AFF2: variants seen among roughly 807,000 people sequenced by gnomAD.
AFF2 encodes AF4/FMR2 family member 2.
AFF2 carries 14 observed loss-of-function variants against 76.9 expected under a neutral mutation model. That is an observed-to-expected ratio of 0.18 (90% CI 0.12 to 0.28). The LOEUF is 0.28. AFF2 is among the 10% of genes least tolerant of loss of function. AFF2 has a pLI of 1.00. For synonymous variants in AFF2, 398 were observed against 366.7 expected, an observed-to-expected ratio of 1.09 and a Z score of -0.98; for missense variants, 868 against 1,001.1, an observed-to-expected ratio of 0.87 and a Z score of 1.79.
intron 7 of AFF2, among the ~76,000 whole-genome samples, chrX:148,881,919 CA>C (rs1352147722): frequency 9.0e-6 from 1 of 110,769 alleles, no homozygotes; most frequent in African/African-American, 3.3e-5. Flanking sequence ...AATTGAGATT[CA>C]AAAGGTCTTA....
intron 3 of AFF2, among the ~76,000 whole-genome samples, chrX:148,787,239 C>T (rs1419492145): frequency 2.7e-5 from 3 of 111,250 alleles, no homozygotes; most frequent in Admixed American, 1.9e-4. Flanking sequence ...GAAATTAATG[C>T]ACTGGTTTGG....
intron 4 of AFF2, among the ~76,000 whole-genome samples, chrX:148,832,610 A>G (rs2124661412): frequency 8.9e-6 from 1 of 111,974 alleles, no homozygotes; most frequent in East Asian, 2.8e-4. Context: ...TTGAATGTGT[A>G]CAACACTATA....
At chrX:148,849,857 G>A (rs1271587371) in intron 7 of AFF2, among the ~76,000 whole-genome samples, 1 of 112,048 alleles carries the variant, frequency 8.9e-6, no homozygotes, top group Non-Finnish European at 1.9e-5. Context: ...TCATTTGGAG[G>A]TGGCTTTACT....
chrX:148,619,849 A>G (rs1251738155), intron 1 of AFF2, among the ~76,000 whole-genome samples: 2 of 112,247 alleles, frequency 1.8e-5, no homozygotes, highest in Admixed American at 1.9e-4. Flanking sequence ...ATGTGATTTT[A>G]TGAGTTCTGT....
At chrX:148,709,744 G>C (rs1338153588) in intron 3 of AFF2, among the ~76,000 whole-genome samples, 1 of 111,817 alleles carries the variant, frequency 8.9e-6, no homozygotes, top group African/African-American at 3.2e-5. Flanking sequence ...AGGAGAACTG[G>C]ATTGAATGCT....
At chrX:148,848,596 C>T (rs954964424) in intron 7 of AFF2, among the ~76,000 whole-genome samples, 3 of 112,164 alleles carry the variant, frequency 2.7e-5, no homozygotes, top group Non-Finnish European at 3.8e-5. Context: ...GATGCAATTT[C>T]GGTAGCAAAT....
chrX:148,844,939 T>C (rs1377254419), intron 7 of AFF2, among the ~76,000 whole-genome samples: 2 of 112,048 alleles, frequency 1.8e-5, no homozygotes, highest in African/African-American at 6.5e-5. Context: ...GACCGAATTA[T>C]ATGAAAACAC....
chrX:148,851,408 G>A (rs1392275368), intron 7 of AFF2, among the ~76,000 whole-genome samples: 1 of 112,385 alleles, frequency 8.9e-6, no homozygotes, highest in East Asian at 2.8e-4. Flanking sequence ...GAGTAGGTGG[G>A]ATGGAGTAGA....
chrX:148,528,570 G>A (rs2052691442), intron 1 of AFF2, among the ~76,000 whole-genome samples: 1 of 111,596 alleles, frequency 9.0e-6, no homozygotes, highest in Non-Finnish European at 1.9e-5. Context: ...TAGGCATGAT[G>A]TTATGGCAAT....
chrX:148,922,354 A>G (rs905740665), intron 9 of AFF2, among the ~76,000 whole-genome samples: 1 of 111,621 alleles, frequency 9.0e-6, no homozygotes. Flanking sequence ...AGTTGGTCCA[A>G]AGTCTGGCAG....
intron 9 of AFF2, among the ~76,000 whole-genome samples, chrX:148,905,990 T>C (rs1335026339): frequency 2.7e-5 from 3 of 112,573 alleles, no homozygotes; most frequent in African/African-American, 9.7e-5. Flanking sequence ...GTGCTTTAAA[T>C]ATATTTGAAA....
chrX:148,784,596 C>G (rs901313606), intron 3 of AFF2, among the ~76,000 whole-genome samples: 37 of 111,640 alleles, frequency 3.3e-4, no homozygotes, highest in African/African-American at 1.2e-3. Context: ...AGATAGTTCT[C>G]ACTGAGTACT....
chrX:148,827,951 T>C (rs1262730870), intron 4 of AFF2, among the ~76,000 whole-genome samples: 1 of 111,676 alleles, frequency 9.0e-6, no homozygotes, highest in East Asian at 2.8e-4. Flanking sequence ...AAGGAGCAAA[T>C]TGGAAGGTAA....
chrX:148,782,388 T>G (rs2069756851), intron 3 of AFF2, among the ~76,000 whole-genome samples: 1 of 111,658 alleles, frequency 9.0e-6, no homozygotes, highest in Admixed American at 9.5e-5. Flanking sequence ...TAGAATAAAT[T>G]TGGAGACCAG....
intron 8 of AFF2, among the ~76,000 whole-genome samples, chrX:148,888,969 G>C (rs1446185222): frequency 9.0e-6 from 1 of 111,492 alleles, no homozygotes; most frequent in Admixed American, 9.5e-5. Flanking sequence ...GGCTGCATTC[G>C]TGCAGACATA....
intron 1 of AFF2, among the ~76,000 whole-genome samples, chrX:148,609,860 TTGGCAAGGCAGTTGAAAGGGGCAGCCTC>T (rs1174761584): frequency 9.0e-5 from 10 of 111,697 alleles, no homozygotes; most frequent in Non-Finnish European, 1.5e-4. Context: ...TCCTGCTTCC[TTGGCAAGGCAGTTGAAAGGGGCAGCCTC>T]TGAGCAAAGT....
rs374012335 is a variant in AFF2, at chrX:148,991,171, A to G, written c.3815-40A>G. On this transcript the variant is annotated intron_variant, in intron 20 of 20. Coordinates refer to ENST00000370460, the MANE Select transcript of AFF2 (RefSeq NM_002025.4). ...TCAATGTGGTGCATATTTTCATGAT[A>G]TCATATAAAGGCCTAACTGAGAACT... is the stretch of plus-strand genomic sequence containing the variant. 1.0e-5 allele frequency: 12 copies of G among 1,144,582 alleles called. No homozygotes were observed. In the African/African-American group the frequency reaches 1.3e-4, roughly 12 times the overall value. 94.3% of individuals were successfully genotyped at this position (1,144,582 alleles called of 1,213,427 possible).
chrX:148,674,985 G>T (rs1319467415), intron 3 of AFF2, among the ~76,000 whole-genome samples: 1 of 112,362 alleles, frequency 8.9e-6, no homozygotes, highest in Non-Finnish European at 1.9e-5. Flanking sequence ...TCCCCTACAG[G>T]CTTTGCATAG....
intron 18 of AFF2, 94 bp downstream of exon 18, chrX:148,978,549 G>A (rs1377071236): frequency 2.4e-5 from 15 of 619,805 alleles, no homozygotes; most frequent in African/African-American, 4.4e-5. Flanking sequence ...TGCTGCCAAA[G>A]GCTTAACCTC....
Sources: allele counts gnomAD v4.1 joint callset (sites outside exome capture counted in the v4.1 genomes callset), GRCh38; gene constraint gnomAD v4.1.1; transcripts MANE v1.5; gene names NCBI Gene and HGNC (gene_info 2026-07-23, HGNC 2026-07-21).